Variants in SCEL observed in about 807,000 individuals in gnomAD.
SCEL encodes the protein sciellin.
Under a neutral mutation model 117.6 loss-of-function variants are expected in SCEL, and 113 were observed. The ratio of observed to expected loss-of-function variants is 0.96; its 90% CI spans 0.83 to 1.12. The LOEUF (loss-of-function observed/expected upper bound fraction) is 1.12, where lower values mean the gene tolerates loss of function less well. Among genes scored for constraint, SCEL ranks in the 50% most tolerant of loss-of-function variants. The probability of loss-of-function intolerance (pLI) is 0.00; values close to 1 mark genes in which losing one functional copy is unlikely to be tolerated. For missense variants in SCEL, 785 were observed against 810.8 expected (o/e 0.97, Z 0.39); for synonymous variants, 270 against 256.2 (o/e 1.05, Z -0.51).
At chr13:77,617,530 C>A in intron 24 of SCEL, 69 bp from the exon 25 acceptor site, 1 of 879,420 alleles carries the variant, frequency 1.1e-6, no homozygotes, top group South Asian at 1.6e-5. Context: ...CCTTTCTATC[C>A]ATTTCCAATT....
intron 9 of SCEL, among the ~76,000 whole-genome samples, chr13:77,577,511 G>A (rs1007763530): frequency 4.6e-5 from 7 of 152,212 alleles, no homozygotes; most frequent in South Asian, 2.1e-4. Context: ...ACCTGGTCCC[G>A]CCCTTGACAC....
chr13:77,569,555 T>A, intron 8 of SCEL, 104 bp downstream of exon 8: 1 of 794,514 alleles, frequency 1.3e-6, no homozygotes, highest in Non-Finnish European at 2.0e-6. Context: ...TACATTCTGC[T>A]GTTCCCAAAC....
chr13:77,539,359 T>C (rs886638359), intron 1 of SCEL, among the ~76,000 whole-genome samples: 2 of 151,560 alleles, frequency 1.3e-5, no homozygotes, highest in African/African-American at 4.8e-5. Context: ...TATAAAAATC[T>C]AGAAAAAATC....
rs115132399 is a variant in SCEL, at chr13:77,563,268, C to T, written c.222-563C>T. ...CCCACTTTCTCCTTTTCATTTTCCCCAGCTTTTCCTGTTTCCTTCCTTTCC... is the reference window on the plus strand; with the variant it reads ...CCCACTTTCTCCTTTTCATTTTCCCTAGCTTTTCCTGTTTCCTTCCTTTCC... On this transcript the variant is annotated intron_variant, in intron 4 of 32. Coordinates refer to ENST00000349847, the MANE Select transcript of SCEL (RefSeq NM_144777.3). Among the ~76,000 whole-genome samples the T allele has an allele frequency of 4.3e-3, 660 of 151,862 alleles. 3 individuals carry two copies. Among genetic ancestry groups the T allele is most frequent in the African/African-American group, 0.015 (618 of 41,428 alleles).
At chr13:77,609,171 A>G (rs932512615) in intron 21 of SCEL, 54 bp downstream of exon 21, 6 of 1,332,178 alleles carry the variant, frequency 4.5e-6, no homozygotes, top group Non-Finnish European at 6.3e-6. Context: ...GCCTAAAAGT[A>G]TAATTAAAGC....
chr13:77,617,649 A>C lies in SCEL; in HGVS notation c.1502A>C (p.Asn501Thr), dbSNP rs1263925727. The C allele has an allele frequency of 3.8e-6, 6 of 1,593,564 alleles. No homozygotes were observed. The highest frequency in any genetic ancestry group is 1.7e-5 in the Admixed American group (1 of 58,174). ...LIKVNPEIFT[N>T]NQRNQDLANL... Reference sequence around the variant, plus strand: ...AAGGTGAATCCTGAAATTTTCACAAACAACCAAAGGTAATAAAACTATGTT... The same window carrying C: ...AAGGTGAATCCTGAAATTTTCACAACCAACCAAAGGTAATAAAACTATGTT... The change falls in exon 25 of 33, where the codon AAC (asparagine) becomes ACC (threonine). Residue 501 changes from asparagine to threonine, a missense_variant. Physicochemically the swap from Asn to Thr is moderately conservative, Grantham distance 65. Coordinates refer to ENST00000349847, the MANE Select transcript of SCEL (RefSeq NM_144777.3).
At chr13:77,626,396 C>T (rs934200584) in intron 27 of SCEL, among the ~76,000 whole-genome samples, 1 of 152,178 alleles carries the variant, frequency 6.6e-6, no homozygotes, top group African/African-American at 2.4e-5. Flanking sequence ...TTTACATTAA[C>T]TTACTCATTC....
chr13:77,560,708 C>G (rs979260894), intron 4 of SCEL, among the ~76,000 whole-genome samples: 5 of 152,172 alleles, frequency 3.3e-5, no homozygotes, highest in Non-Finnish European at 7.4e-5. Flanking sequence ...AGAGAATATT[C>G]TTACCACAAC....
At chr13:77,605,454 G>A (rs1434815059) in intron 19 of SCEL, among the ~76,000 whole-genome samples, 1 of 152,164 alleles carries the variant, frequency 6.6e-6, no homozygotes, top group Admixed American at 6.5e-5. Flanking sequence ...ACCTGAGGTA[G>A]TCAGTGCGAG....
intron 22 of SCEL, among the ~76,000 whole-genome samples, chr13:77,612,468 T>TTTTTTTTTTTTTTTTTTTTTTTA (rs2088718279): frequency 7.0e-6 from 1 of 143,576 alleles, no homozygotes; most frequent in Non-Finnish European, 1.5e-5. Context: ...TTTTTTTTTT[T>TTTTTTTTTTTTTTTTTTTTTTTA]TTTTTTTTTT....
intron 9 of SCEL, among the ~76,000 whole-genome samples, chr13:77,577,955 T>A (rs937300332): frequency 6.6e-6 from 1 of 152,162 alleles, no homozygotes; most frequent in African/African-American, 2.4e-5. Context: ...CTTGTTTTTT[T>A]CCCTGCGCTA....
chr13:77,585,064 T>C (rs2086485782), intron 9 of SCEL, among the ~76,000 whole-genome samples: 1 of 152,222 alleles, frequency 6.6e-6, no homozygotes, highest in South Asian at 2.1e-4. Flanking sequence ...GCACAGATTT[T>C]GAAAGTTGCA....
chr13:77,626,440 CCTT>C (rs2089736155), intron 27 of SCEL, among the ~76,000 whole-genome samples: 1 of 152,138 alleles, frequency 6.6e-6, no homozygotes, highest in Admixed American at 6.5e-5. Context: ...ACATTAGTGT[CCTT>C]CTTTACAAAA....
intron 9 of SCEL, among the ~76,000 whole-genome samples, chr13:77,587,995 G>A (rs2086658690): frequency 6.6e-6 from 1 of 152,124 alleles, no homozygotes; most frequent in African/African-American, 2.4e-5. Context: ...TCACCTGACA[G>A]AGAGACCTTC....
intron 12 of SCEL, among the ~76,000 whole-genome samples, chr13:77,594,114 T>G (rs1238298350): frequency 6.6e-6 from 1 of 152,180 alleles, no homozygotes; most frequent in Non-Finnish European, 1.5e-5. Context: ...CCTCATTGAC[T>G]CCTTCACAGA....
At chr13:77,554,619 C>G (rs2084542226) in intron 1 of SCEL, among the ~76,000 whole-genome samples, 1 of 152,154 alleles carries the variant, frequency 6.6e-6, no homozygotes, top group Non-Finnish European at 1.5e-5. Flanking sequence ...TGCCTTAAGT[C>G]CAATAGCATT....
rs1430929530 is a variant in SCEL, at chr13:77,556,576, T to C, written c.44-20T>C. ...CTCCACACTATTACATCTTCCAGTCTTTCATGTTTCTGTTGATAGAGATGA... is the reference window on the plus strand; with the variant it reads ...CTCCACACTATTACATCTTCCAGTCCTTCATGTTTCTGTTGATAGAGATGA... On this transcript the variant is annotated intron_variant, in intron 2 of 32. Transcript: ENST00000349847. 24 of 1,599,384 alleles carry C rather than the reference T, an allele frequency of 1.5e-5. No individual in the cohort carries two copies. Among genetic ancestry groups the C allele is most frequent in the Non-Finnish European group, 2.1e-5 (24 of 1,166,844 alleles).
intron 27 of SCEL, among the ~76,000 whole-genome samples, chr13:77,625,777 T>C (rs2089698766): frequency 6.6e-6 from 1 of 152,216 alleles, no homozygotes; most frequent in African/African-American, 2.4e-5. Flanking sequence ...TATCAATATT[T>C]GTGAGTGAGA....
chr13:77,544,401 G>A (rs567011061), intron 1 of SCEL, among the ~76,000 whole-genome samples: 1 of 152,284 alleles, frequency 6.6e-6, no homozygotes, highest in East Asian at 1.9e-4. Context: ...AAGCCAAGAG[G>A]CATTATGTCC....
Sources: gnomAD v4.1 joint callset for allele counts (sites outside exome capture counted in the v4.1 genomes callset) on GRCh38, gnomAD v4.1.1 for gene constraint, MANE v1.5 for transcripts, NCBI Gene and HGNC (gene_info 2026-07-23, HGNC 2026-07-21) for gene names.